The following NRG1 variants were observed in gnomAD, a reference collection of about 807,000 sequenced individuals.
NRG1 encodes the protein neuregulin 1, also known as pro-neuregulin-1, membrane-bound isoform.
Under a neutral mutation model 63.8 loss-of-function variants are expected in NRG1, and 18 were observed. The observed-to-expected ratio is 0.28, with a 90% CI of 0.19 to 0.42. NRG1 has a LOEUF of 0.42. Among genes scored for constraint, NRG1 ranks in the 10% least tolerant of loss-of-function variants. The pLI is 1.00. For synonymous variants in NRG1, 302 were observed against 301.3 expected (o/e 1.00, Z -0.02); for missense variants, 762 against 814.7 (o/e 0.94, Z 0.79).
At chr8:31,896,395 G>A (rs990003232) in intron 1 of NRG1, among the ~76,000 whole-genome samples, 2 of 152,064 alleles carry the variant, frequency 1.3e-5, no homozygotes, top group African/African-American at 2.4e-5. Flanking sequence ...TTCACTATCC[G>A]GGGACCCCAG....
At chr8:31,874,713 T>G (rs1017777607) in intron 1 of NRG1, among the ~76,000 whole-genome samples, 114 of 152,274 alleles carry the variant, frequency 7.5e-4, no homozygotes, top group African/African-American at 2.6e-3. Context: ...ATAGCTATTT[T>G]TTTGTACCCA....
chr8:32,374,504 C>T (rs779092586), intron 1 of NRG1, among the ~76,000 whole-genome samples: 20 of 152,160 alleles, frequency 1.3e-4, no homozygotes, highest in Admixed American at 2.6e-4. Flanking sequence ...TGAGGTTATG[C>T]AAAGAAAATG....
At chr8:31,795,741 G>A (rs1821142135) in intron 1 of NRG1, among the ~76,000 whole-genome samples, 1 of 151,942 alleles carries the variant, frequency 6.6e-6, no homozygotes, top group African/African-American at 2.4e-5. Context: ...ACAATCTTCC[G>A]TATGTTGGGC....
chr8:31,910,882 G>A (rs903634131), intron 1 of NRG1, among the ~76,000 whole-genome samples: 3 of 152,158 alleles, frequency 2.0e-5, no homozygotes, highest in African/African-American at 7.2e-5. Context: ...AGGAGTGTTT[G>A]ATTTGAATGC....
At chr8:32,703,378 C>T (rs916850598) in intron 5 of NRG1, among the ~76,000 whole-genome samples, 8 of 149,110 alleles carry the variant, frequency 5.4e-5, no homozygotes, top group African/African-American at 2.0e-4. Context: ...ATGCTTTGAT[C>T]TTTTTAGTCC....
chr8:32,116,354 G>A lies in NRG1; in HGVS notation c.37+476923G>A, dbSNP rs141039075. ...TTAAAAAGTGGGATTCGTCTAAGCA[G>A]AGGAGATACTTAAGGAAGGAGAGGG... On this transcript the variant is annotated intron_variant, in intron 1 of 10. Coordinates refer to the NRG1 transcript ENST00000519301. Among the ~76,000 whole-genome samples, 1,058 of 152,258 alleles carry A rather than the reference G, an allele frequency of 6.9e-3. 11 individuals are homozygous for A. Among genetic ancestry groups the A allele is most frequent in the African/African-American group, 0.025 (1,024 of 41,564 alleles).
At chr8:32,445,918 G>A (rs573947965) in intron 1 of NRG1, among the ~76,000 whole-genome samples, 39 of 152,110 alleles carry the variant, frequency 2.6e-4, no homozygotes, top group African/African-American at 9.2e-4. Flanking sequence ...GATGTTCACC[G>A]AGAAGACTGC....
At chr8:32,138,585 G>A (rs919572389) in intron 1 of NRG1, among the ~76,000 whole-genome samples, 12 of 151,736 alleles carry the variant, frequency 7.9e-5, no homozygotes, top group African/African-American at 2.9e-4. Flanking sequence ...TTTTGAGACA[G>A]GGTCTCACTC....
intron 1 of NRG1, among the ~76,000 whole-genome samples, chr8:31,971,038 C>T (rs1220733795): frequency 1.4e-5 from 2 of 146,908 alleles, no homozygotes; most frequent in African/African-American, 5.4e-5. Flanking sequence ...AGTGAGACTC[C>T]GTCCCAAAAG....
intron 1 of NRG1, among the ~76,000 whole-genome samples, chr8:32,376,628 G>C (rs1016877329): frequency 4.6e-5 from 7 of 152,158 alleles, no homozygotes; most frequent in African/African-American, 1.2e-4. Context: ...CTGCCCTGAG[G>C]AGCAGGCCTG....
At chr8:31,822,163 C>T (rs1311766483) in intron 1 of NRG1, among the ~76,000 whole-genome samples, 1 of 152,136 alleles carries the variant, frequency 6.6e-6, no homozygotes, top group African/African-American at 2.4e-5. Context: ...CAATAACTTA[C>T]CTTTGTAATT....
intron 6 of NRG1, among the ~76,000 whole-genome samples, chr8:32,739,897 G>A (rs9297196): frequency 0.28 from 42,550 of 152,016 alleles, 7,704 homozygotes; most frequent in African/African-American, 0.51. Flanking sequence ...TTTGTGCTCA[G>A]TATGAGAATT....
chr8:32,467,014 C>T (rs1823155115), intron 1 of NRG1, among the ~76,000 whole-genome samples: 1 of 152,064 alleles, frequency 6.6e-6, no homozygotes, highest in African/African-American at 2.4e-5. Flanking sequence ...ACTCCCATCA[C>T]CTTTACTGAT....
At chr8:32,004,685 G>A (rs1480338165) in intron 1 of NRG1, among the ~76,000 whole-genome samples, 1 of 151,772 alleles carries the variant, frequency 6.6e-6, no homozygotes, top group Non-Finnish European at 1.5e-5. Context: ...AACTATCAAA[G>A]CTATCAGTAA....
intron 1 of NRG1, among the ~76,000 whole-genome samples, chr8:31,773,874 C>T (rs956029757): frequency 6.6e-6 from 1 of 152,048 alleles, no homozygotes; most frequent in African/African-American, 2.4e-5. Context: ...CAGTTTTCTA[C>T]CTTGTATCAT....
intron 1 of NRG1, among the ~76,000 whole-genome samples, chr8:32,044,930 A>AAAAC (rs1554610208): frequency 2.8e-4 from 38 of 137,112 alleles, no homozygotes; most frequent in African/African-American, 9.4e-4. Context: ...AAAAAAAAAA[A>AAAAC]ACACACACAC....
intron 1 of NRG1, among the ~76,000 whole-genome samples, chr8:32,295,954 A>AG (rs1854808779): frequency 6.6e-6 from 1 of 150,672 alleles, no homozygotes; most frequent in Non-Finnish European, 1.5e-5. Context: ...AAAAAAAAAA[A>AG]AAGAGAGAGA....
chr8:32,111,308 G>A (rs1384754337), intron 1 of NRG1, among the ~76,000 whole-genome samples: 2 of 152,020 alleles, frequency 1.3e-5, no homozygotes, highest in South Asian at 2.1e-4. Flanking sequence ...GTAGAGACGG[G>A]GTTTCACTAT....
At chr8:32,324,253 A>G (rs1478760033) in intron 1 of NRG1, among the ~76,000 whole-genome samples, 1 of 152,182 alleles carries the variant, frequency 6.6e-6, no homozygotes, top group Non-Finnish European at 1.5e-5. Context: ...CTGCTCTTAG[A>G]TGGTCCTTAT....
Sources: gnomAD v4.1 joint callset for allele counts (sites outside exome capture counted in the v4.1 genomes callset) on GRCh38, gnomAD v4.1.1 for gene constraint, MANE v1.5 for transcripts, NCBI Gene and HGNC (gene_info 2026-07-23, HGNC 2026-07-21) for gene names.